IQANK1: variants seen among roughly 807,000 people sequenced by gnomAD.
The protein encoded by IQANK1 is IQ motif and ankyrin repeat domain-containing protein 1.
IQANK1 carries 30 observed loss-of-function variants against 22.6 expected under a neutral mutation model. The ratio of observed to expected loss-of-function variants is 1.33; its 90% CI spans 0.99 to 1.80. The LOEUF (loss-of-function observed/expected upper bound fraction) is 1.80. Ranked by LOEUF, IQANK1 falls within the 40% of genes most tolerant of loss-of-function variation. The pLI, the probability that IQANK1 is intolerant of heterozygous loss-of-function variation, is 0.00. For missense variants in IQANK1, 275 were observed against 235.2 expected (o/e 1.17, Z -1.11); for synonymous variants, 122 against 99.6 (o/e 1.23, Z -1.34).
At chr8:143,785,110 T>C (rs1485645576) in intron 7 of IQANK1, among the ~76,000 whole-genome samples, 2 of 139,398 alleles carry the variant, frequency 1.4e-5, no homozygotes, top group Non-Finnish European at 2.9e-5. Context: ...CTAGTCTCTC[T>C]TTGAGCACAG....
intron 3 of IQANK1, chr8:143,745,607 G>C (rs1554627133): frequency 6.6e-6 from 1 of 152,040 alleles, no homozygotes; most frequent in Non-Finnish European, 1.5e-5. Flanking sequence ...ATTTTTAGTA[G>C]AGATGGGGTT....
rs548433294 is a variant in IQANK1 at position 143,769,724 on chromosome 8, G to A, written c.176-1764G>A. Among the ~76,000 whole-genome samples, 5 of 152,264 alleles carry A rather than the reference G, an allele frequency of 3.3e-5. No homozygotes were observed. In the East Asian group the frequency reaches 5.8e-4, roughly 18 times the overall value. On this transcript the variant is annotated intron_variant, in intron 3 of 13. Transcript: ENST00000527139. The stretch of plus-strand genomic sequence containing the variant: ...CCTGCTGCACTGTTTTGGAGACCTC[G>A]TTCTTCATTTCCTCAGTAGCTTTGA...
intron 7 of IQANK1, among the ~76,000 whole-genome samples, chr8:143,776,088 G>A (rs147670380): frequency 0.015 from 2,224 of 151,868 alleles, 31 homozygotes; most frequent in South Asian, 0.043. Flanking sequence ...TTGGGAGGCC[G>A]AGGCGGGCAG....
At chr8:143,788,499 G>A (rs1819937025) in intron 7 of IQANK1, among the ~76,000 whole-genome samples, 1 of 152,250 alleles carries the variant, frequency 6.6e-6, no homozygotes, top group African/African-American at 2.4e-5. Context: ...GGAGACCACA[G>A]AGGAGGGAGC....
At chr8:143,786,369 A>G (rs1386890797) in intron 7 of IQANK1, among the ~76,000 whole-genome samples, 3 of 152,222 alleles carry the variant, frequency 2.0e-5, no homozygotes, top group African/African-American at 7.2e-5. Context: ...CAAAGTGAGG[A>G]TCAAATTTGC....
intron 3 of IQANK1, among the ~76,000 whole-genome samples, chr8:143,767,172 A>G (rs2129894695): frequency 6.6e-6 from 1 of 152,372 alleles, no homozygotes; most frequent in South Asian, 2.1e-4. Flanking sequence ...CAATTTTCAC[A>G]CAAACAAAGC....
chr8:143,787,726 C>T (rs940602598), intron 7 of IQANK1, among the ~76,000 whole-genome samples: 11 of 151,230 alleles, frequency 7.3e-5, no homozygotes, highest in South Asian at 2.1e-4. Flanking sequence ...TCTGTGGGAA[C>T]GCCGGCGGCT....
intron 3 of IQANK1, among the ~76,000 whole-genome samples, chr8:143,749,274 TA>T (rs1440890518): frequency 3.2e-5 from 4 of 123,410 alleles, no homozygotes; most frequent in African/African-American, 9.9e-5. Flanking sequence ...AATGTATATA[TA>T]AATATATATA....
chr8:143,772,384 C>T lies in IQANK1; in HGVS notation c.691C>T (p.Arg231Cys), dbSNP rs1481104763. ...KGAFGPTPLY[R>C]AAFGGHLAAV... Reference sequence around the variant, plus strand: ...CGCTTTCGGTCCGACGCCGCTGTACCGTGCAGCCTTTGGGGGCCACCTGGC... The same window carrying T: ...CGCTTTCGGTCCGACGCCGCTGTACTGTGCAGCCTTTGGGGGCCACCTGGC... Residue 231 changes from arginine (R) to cysteine (C), a missense_variant, in exon 7 of 14, where the codon CGT becomes TGT. Arg to Cys is a radical substitution (Grantham distance 180). Coordinates refer to ENST00000527139, the MANE Select transcript of IQANK1 (RefSeq NM_001381874.1). The T allele has an allele frequency of 1.5e-5, 6 of 399,274 alleles. No individual in the cohort carries two copies. The highest frequency in any genetic ancestry group is 2.7e-5 in the Non-Finnish European group (6 of 226,398). 24.7% of individuals were successfully genotyped at this position (399,274 alleles called of 1,614,324 possible).
chr8:143,753,412 CTT>C (rs1819233239), intron 3 of IQANK1, among the ~76,000 whole-genome samples: 1 of 148,682 alleles, frequency 6.7e-6, no homozygotes. Context: ...GTTTTAAAGT[CTT>C]TGTCTAGTAG....
chr8:143,737,919 C>G (rs550307765), intron 2 of IQANK1, among the ~76,000 whole-genome samples: 49 of 152,348 alleles, frequency 3.2e-4, no homozygotes, highest in African/African-American at 1.1e-3. Context: ...GGGCCCAGGG[C>G]CGGCATGGGG....
chr8:143,752,912 TTCTC>T (rs1168414095), intron 3 of IQANK1, among the ~76,000 whole-genome samples: 2 of 150,776 alleles, frequency 1.3e-5, no homozygotes, highest in Non-Finnish European at 3.0e-5. Flanking sequence ...CTCTGCCCCT[TTCTC>T]TTTCTTCTCT....
intron 3 of IQANK1, among the ~76,000 whole-genome samples, chr8:143,751,660 G>GTTTATATATATATATATATATATA (rs1440239363): frequency 2.3e-5 from 1 of 44,042 alleles, no homozygotes; most frequent in Non-Finnish European, 6.8e-5. Flanking sequence ...GTGTGTGTGT[G>GTTTATATATATATATATATATATA]TGTGTATATA....
At chr8:143,736,337 G>C (rs937044132) in intron 2 of IQANK1, among the ~76,000 whole-genome samples, 11 of 152,198 alleles carry the variant, frequency 7.2e-5, no homozygotes, top group Non-Finnish European at 1.0e-4. Context: ...TAGAGACGGG[G>C]TTTCGCCACA....
At chr8:143,740,881 C>G (rs368246423) in intron 3 of IQANK1, among the ~76,000 whole-genome samples, 1 of 152,246 alleles carries the variant, frequency 6.6e-6, no homozygotes, top group Non-Finnish European at 1.5e-5. Flanking sequence ...GCGGGAGCAC[C>G]TCCGCGGAAG....
chr8:143,749,665 G>A (rs552216945), intron 3 of IQANK1, among the ~76,000 whole-genome samples: 3 of 144,216 alleles, frequency 2.1e-5, no homozygotes, highest in East Asian at 4.0e-4. Context: ...GCATGATCTC[G>A]GCTCACTGCA....
intron 3 of IQANK1, among the ~76,000 whole-genome samples, chr8:143,740,391 CTGT>C (rs1818874062): frequency 6.6e-6 from 1 of 152,234 alleles, no homozygotes; most frequent in Non-Finnish European, 1.5e-5. Flanking sequence ...CGACCCTGCG[CTGT>C]TCCCGACCGG....
intron 7 of IQANK1, among the ~76,000 whole-genome samples, chr8:143,779,177 G>A (rs1554630741): frequency 6.6e-6 from 1 of 152,102 alleles, no homozygotes; most frequent in African/African-American, 2.4e-5. Flanking sequence ...ACTCATTAAT[G>A]TGCCCATTCC....
intron 3 of IQANK1, among the ~76,000 whole-genome samples, chr8:143,754,878 G>T (rs565757573): frequency 6.6e-6 from 1 of 152,054 alleles, no homozygotes; most frequent in Non-Finnish European, 1.5e-5. Flanking sequence ...CGCCCACCTC[G>T]GCCTCCCAAA....
Sources: allele counts gnomAD v4.1 joint callset (sites outside exome capture counted in the v4.1 genomes callset), GRCh38; gene constraint gnomAD v4.1.1; transcripts MANE v1.5; gene names NCBI Gene and HGNC (gene_info 2026-07-23, HGNC 2026-07-21).